Variants in CHRM3 observed in about 807,000 individuals in gnomAD.
CHRM3 encodes the protein cholinergic receptor muscarinic 3.
CHRM3 carries 11 observed loss-of-function variants against 41.8 expected under a neutral mutation model. The observed-to-expected ratio is 0.26, with a 90% CI of 0.17 to 0.44. CHRM3 has a LOEUF of 0.44. Among genes scored for constraint, CHRM3 ranks in the 20% least tolerant of loss-of-function variants. The probability of loss-of-function intolerance (pLI) is 1.00; values close to 1 mark genes in which losing one functional copy is unlikely to be tolerated. For synonymous variants in CHRM3, 297 were observed against 301.4 expected, an observed-to-expected ratio of 0.99 and a Z score of 0.15; for missense variants, 571 against 745.4, an observed-to-expected ratio of 0.77 and a Z score of 2.72.
chr1:239,583,434 C>T (rs908731180), intron 3 of CHRM3, among the ~76,000 whole-genome samples: 1 of 152,118 alleles, frequency 6.6e-6, no homozygotes, highest in Non-Finnish European at 1.5e-5. Context: ...ATGTGCTAGA[C>T]GTGAGAGCTA....
chr1:239,530,918 A>G (rs1019207718), intron 2 of CHRM3, among the ~76,000 whole-genome samples: 1 of 152,216 alleles, frequency 6.6e-6, no homozygotes, highest in African/African-American at 2.4e-5. Context: ...TATTTGCAGA[A>G]ATAATGGCCA....
At chr1:239,487,017 CTTA>C (rs1353790582) in intron 1 of CHRM3, among the ~76,000 whole-genome samples, 1 of 152,192 alleles carries the variant, frequency 6.6e-6, no homozygotes, top group Non-Finnish European at 1.5e-5. Flanking sequence ...CTAGATAGAA[CTTA>C]TTGAGAGAAG....
chr1:239,454,154 A>G (rs1005391378), intron 1 of CHRM3, among the ~76,000 whole-genome samples: 4 of 152,126 alleles, frequency 2.6e-5, no homozygotes, highest in African/African-American at 7.2e-5. Flanking sequence ...GATCCCACAG[A>G]TGAAGGGCTT....
chr1:239,819,210 C>T (rs909803466), intron 5 of CHRM3, among the ~76,000 whole-genome samples: 5 of 152,166 alleles, frequency 3.3e-5, no homozygotes, highest in Admixed American at 3.3e-4. Flanking sequence ...TCCTTCCAGT[C>T]GATGTCACCC....
At chr1:239,597,864 T>TTTTG (rs1664985875) in intron 3 of CHRM3, among the ~76,000 whole-genome samples, 1 of 148,944 alleles carries the variant, frequency 6.7e-6, no homozygotes, top group South Asian at 2.1e-4. Flanking sequence ...CAGAGTTTTT[T>TTTTG]TTTTTTTTTT....
intron 4 of CHRM3, among the ~76,000 whole-genome samples, chr1:239,633,934 A>G (rs528141069): frequency 5.3e-4 from 81 of 152,356 alleles, no homozygotes; most frequent in African/African-American, 1.9e-3. Context: ...ATATCTGGAT[A>G]TCATGCTGGA....
chr1:239,571,634 A>G (rs558335314), intron 3 of CHRM3, among the ~76,000 whole-genome samples: 1 of 152,192 alleles, frequency 6.6e-6, no homozygotes, highest in South Asian at 2.1e-4. Flanking sequence ...AGCACTGTGC[A>G]TTGTCAAACA....
intron 5 of CHRM3, among the ~76,000 whole-genome samples, chr1:239,693,437 C>A (rs1659896762): frequency 1.3e-5 from 2 of 152,056 alleles, no homozygotes; most frequent in South Asian, 2.1e-4. Context: ...GAGCCCTAAC[C>A]AGAAACCAAA....
chr1:239,883,207 C>A (rs1677792238), intron 6 of CHRM3, among the ~76,000 whole-genome samples: 1 of 152,178 alleles, frequency 6.6e-6, no homozygotes, highest in Non-Finnish European at 1.5e-5. Context: ...TATCAAGAAA[C>A]AACATCTCTC....
At chr1:239,486,837 G>A (rs770522513) in intron 1 of CHRM3, among the ~76,000 whole-genome samples, 11 of 152,100 alleles carry the variant, frequency 7.2e-5, no homozygotes, top group South Asian at 4.1e-4. Context: ...TGCTGCGTAC[G>A]GTAATGGGAA....
intron 6 of CHRM3, among the ~76,000 whole-genome samples, chr1:239,848,107 A>G (rs902538172): frequency 2.0e-5 from 3 of 152,172 alleles, no homozygotes; most frequent in African/African-American, 4.8e-5. Context: ...ACATTTGCCT[A>G]ATTATAATAG....
intron 5 of CHRM3, among the ~76,000 whole-genome samples, chr1:239,760,983 A>G (rs1394186925): frequency 1.7e-5 from 1 of 58,940 alleles, no homozygotes; most frequent in East Asian, 4.5e-4. Context: ...CCCCTCGCCC[A>G]AACCACTAAT....
At chr1:239,423,058 C>G (rs911739504) in intron 1 of CHRM3, among the ~76,000 whole-genome samples, 2 of 152,092 alleles carry the variant, frequency 1.3e-5, no homozygotes, top group African/African-American at 2.4e-5. Flanking sequence ...TCCTTCTTAT[C>G]TGTCAGTTGG....
At chr1:239,828,139 C>G (rs1457755356) in intron 6 of CHRM3, among the ~76,000 whole-genome samples, 2 of 152,134 alleles carry the variant, frequency 1.3e-5, no homozygotes. Flanking sequence ...TACACGCACA[C>G]AAATACACAC....
At chr1:239,458,067 G>GA (rs560907984) in intron 1 of CHRM3, among the ~76,000 whole-genome samples, 13 of 144,840 alleles carry the variant, frequency 9.0e-5, no homozygotes, top group East Asian at 2.0e-4. Flanking sequence ...TGTAGCTGAA[G>GA]AAAAAAAAAA....
intron 4 of CHRM3, among the ~76,000 whole-genome samples, chr1:239,656,322 A>AT (rs201221969): frequency 0.031 from 3,638 of 117,008 alleles, 52 homozygotes; most frequent in East Asian, 0.071. Flanking sequence ...TTAATAAAAT[A>AT]TTTTTTTTTA....
Position 239,531,639 on chromosome 1 carries a change from ATTTTTTTTTTTTTTTTTTTTTTT to A in CHRM3, c.-421-13987_-421-13965del, listed in dbSNP as rs58433814. On this transcript the variant is annotated intron_variant, in intron 2 of 6. Coordinates refer to ENST00000676153, the MANE Select transcript of CHRM3 (RefSeq NM_001375978.1). ...ATAAAAACTAATCTCTCTAGAATGG[ATTTTTTTTTTTTTTTTTTTTTTT>A]TTTTTTTTTTTTTTGGAGGCAGAGT... Among the ~76,000 whole-genome samples the A allele has an allele frequency of 9.1e-3, 508 of 55,926 alleles. 2 individuals carry two copies. Among genetic ancestry groups the A allele is most frequent in the Middle Eastern group, 0.014 (1 of 70 alleles). 36.7% of individuals were successfully genotyped at this position (55,926 alleles called of 152,430 possible). A position where few individuals can be genotyped will look rare whatever the true frequency, so the allele number is the denominator to read the frequency against.
chr1:239,399,334 AT>A (rs71567244), intron 1 of CHRM3, among the ~76,000 whole-genome samples: 22,204 of 135,026 alleles, frequency 0.16, 1,963 homozygotes, highest in African/African-American at 0.3. Context: ...ATGACCTCTG[AT>A]TTTTTTTTTT....
chr1:239,819,425 A>C (rs996756965), intron 5 of CHRM3, among the ~76,000 whole-genome samples: 1 of 152,294 alleles, frequency 6.6e-6, no homozygotes, highest in South Asian at 2.1e-4. Flanking sequence ...GAGGAAGAAA[A>C]GTATGAGTCC....
Sources: gnomAD v4.1 joint callset for allele counts (sites outside exome capture counted in the v4.1 genomes callset) on GRCh38, gnomAD v4.1.1 for gene constraint, MANE v1.5 for transcripts, NCBI Gene and HGNC (gene_info 2026-07-23, HGNC 2026-07-21) for gene names.